The following TENM4 variants were observed in gnomAD, a reference collection of about 807,000 sequenced individuals.
TENM4 encodes teneurin-4.
TENM4 carries 82 observed loss-of-function variants against 243.3 expected under a neutral mutation model. That is an observed-to-expected ratio of 0.34 (90% confidence interval 0.28 to 0.40). TENM4 has a LOEUF of 0.40. Among genes scored for constraint, TENM4 ranks in the 10% least tolerant of loss-of-function variants. The pLI, the probability that TENM4 is intolerant of heterozygous loss-of-function variation, is 1.00. For missense variants in TENM4, 3,138 were observed against 3,673.3 expected, an observed-to-expected ratio of 0.85 and a Z score of 3.77; for synonymous variants, 1,412 against 1,456.3, an observed-to-expected ratio of 0.97 and a Z score of 0.69.
intron 6 of TENM4, among the ~76,000 whole-genome samples, chr11:78,972,777 T>G (rs1857573836): frequency 6.6e-6 from 1 of 152,204 alleles, no homozygotes; most frequent in East Asian, 1.9e-4. Context: ...CAATCCATTT[T>G]AGAACATTTC....
At position 78,768,773 on chromosome 11, in the gene TENM4, G is replaced by A. The variant is rs981162281; in HGVS notation, c.2539+2219C>T. On this transcript the variant is annotated intron_variant, in intron 18 of 33. Transcript: ENST00000278550. ...GCTGAAGGAGGCTCTATTCCCCTGG[G>A]GTCTGCATCAGCCCCATTTCCTATG... Among the ~76,000 whole-genome samples, 6 of 152,080 alleles carry A rather than the reference G, an allele frequency of 3.9e-5. No individual in the cohort carries two copies. The East Asian group carries it at 5.8e-4, about 15-fold the overall frequency.
chr11:79,273,345 T>A (rs1856000757), intron 2 of TENM4, among the ~76,000 whole-genome samples: 1 of 152,220 alleles, frequency 6.6e-6, no homozygotes, highest in East Asian at 1.9e-4. Flanking sequence ...GATTCTCCCC[T>A]CGTCTTTCTC....
chr11:79,176,654 G>C (rs181486180), intron 3 of TENM4, among the ~76,000 whole-genome samples: 2 of 152,290 alleles, frequency 1.3e-5, no homozygotes, highest in African/African-American at 4.8e-5. Context: ...AGGACTCAGT[G>C]AAACTAATTA....
chr11:79,023,561 C>CAAAAAAA (rs3985612), intron 6 of TENM4, among the ~76,000 whole-genome samples: 1 of 113,416 alleles, frequency 8.8e-6, no homozygotes, highest in Non-Finnish European at 1.9e-5. Context: ...GGCTCTGTCT[C>CAAAAAAA]AAAAAAAAAA....
intron 3 of TENM4, among the ~76,000 whole-genome samples, chr11:79,186,890 T>C (rs1863390369): frequency 6.6e-6 from 1 of 152,182 alleles, no homozygotes; most frequent in Admixed American, 6.5e-5. Flanking sequence ...AAACAGCCCC[T>C]CGGAGCCCGA....
intron 7 of TENM4, among the ~76,000 whole-genome samples, chr11:78,900,061 T>C (rs1855894987): frequency 6.6e-6 from 1 of 152,168 alleles, no homozygotes; most frequent in Non-Finnish European, 1.5e-5. Flanking sequence ...ATGAGTCCAG[T>C]TGCCAGCTGA....
intron 27 of TENM4, among the ~76,000 whole-genome samples, chr11:78,704,034 T>TATAC (rs1325650258): frequency 0.016 from 2,194 of 138,222 alleles, 58 homozygotes; most frequent in African/African-American, 0.058. Flanking sequence ...CATATATATA[T>TATAC]ACACACACAC....
At chr11:78,758,468 A>G (rs1380682234) in intron 18 of TENM4, among the ~76,000 whole-genome samples, 2 of 152,228 alleles carry the variant, frequency 1.3e-5, no homozygotes, top group Non-Finnish European at 2.9e-5. Context: ...ATGGCCCCCA[A>G]CAGTGACCCT....
At chr11:79,263,667 C>T (rs1003291144) in intron 2 of TENM4, among the ~76,000 whole-genome samples, 1 of 152,174 alleles carries the variant, frequency 6.6e-6, no homozygotes, top group African/African-American at 2.4e-5. Flanking sequence ...CCCTAAATGT[C>T]CAGGTAGCCA....
intron 1 of TENM4, among the ~76,000 whole-genome samples, chr11:79,352,656 C>A (rs141738044): frequency 1.3e-5 from 2 of 152,182 alleles, no homozygotes; most frequent in African/African-American, 4.8e-5. Context: ...GGGGAAAATT[C>A]TGCCCCTTGC....
chr11:79,332,092 G>C (rs1041648619), intron 1 of TENM4, among the ~76,000 whole-genome samples: 1 of 152,208 alleles, frequency 6.6e-6, no homozygotes, highest in Non-Finnish European at 1.5e-5. Context: ...AACCTGTAAA[G>C]TAGTTTTGAT....
intron 32 of TENM4, among the ~76,000 whole-genome samples, chr11:78,667,048 CA>C (rs1481333319): frequency 6.6e-6 from 1 of 152,044 alleles, no homozygotes; most frequent in African/African-American, 2.4e-5. Context: ...GAGAGTGAGG[CA>C]GGGGGTGTGC....
intron 10 of TENM4, among the ~76,000 whole-genome samples, chr11:78,858,206 T>C (rs1858724892): frequency 6.6e-6 from 1 of 152,168 alleles, no homozygotes; most frequent in Non-Finnish European, 1.5e-5. Flanking sequence ...CTGTATCAGC[T>C]AGGTTTTGCA....
chr11:78,736,308 T>C (rs543692923), intron 20 of TENM4, among the ~76,000 whole-genome samples: 1 of 152,250 alleles, frequency 6.6e-6, no homozygotes, highest in African/African-American at 2.4e-5. Context: ...CTAATCTACA[T>C]CTCTTGCCTG....
chr11:79,133,513 C>A (rs1428650723), intron 4 of TENM4, among the ~76,000 whole-genome samples: 1 of 152,040 alleles, frequency 6.6e-6, no homozygotes, highest in African/African-American at 2.4e-5. Context: ...GAAGCCAGCA[C>A]CACCCTAACC....
At chr11:79,312,859 G>T (rs1161883306) in intron 1 of TENM4, among the ~76,000 whole-genome samples, 1 of 152,120 alleles carries the variant, frequency 6.6e-6, no homozygotes, top group Non-Finnish European at 1.5e-5. Context: ...TTAATGAGAT[G>T]CACAATCTCC....
intron 33 of TENM4, among the ~76,000 whole-genome samples, chr11:78,659,942 T>G (rs916308711): frequency 8.5e-5 from 13 of 152,258 alleles, no homozygotes; most frequent in Non-Finnish European, 1.5e-4. Flanking sequence ...GAACCCTGTC[T>G]GTGAACAATT....
intron 12 of TENM4, among the ~76,000 whole-genome samples, chr11:78,844,639 T>TA (rs574368443): frequency 0.04 from 5,461 of 137,662 alleles, 106 homozygotes; most frequent in Middle Eastern, 0.083. Flanking sequence ...AGACTCTGTC[T>TA]AAAAAAAAAA....
At chr11:79,408,202 C>G (rs897530105) in intron 1 of TENM4, among the ~76,000 whole-genome samples, 2 of 152,228 alleles carry the variant, frequency 1.3e-5, no homozygotes, top group African/African-American at 4.8e-5. Context: ...CCATGCTGGG[C>G]CAACCACTGC....
Sources: allele counts gnomAD v4.1 joint callset (sites outside exome capture counted in the v4.1 genomes callset), GRCh38; gene constraint gnomAD v4.1.1; transcripts MANE v1.5; gene names NCBI Gene and HGNC (gene_info 2026-07-23, HGNC 2026-07-21).